Variants in UBR1 observed in about 807,000 individuals in gnomAD.
UBR1 encodes the protein ubiquitin protein ligase E3 component n-recognin 1.
Under a neutral mutation model 242.1 loss-of-function variants are expected in UBR1, and 102 were observed. That is an observed-to-expected ratio of 0.42 (90% CI 0.36 to 0.50). UBR1 has a LOEUF of 0.50. Among genes scored for constraint, UBR1 ranks in the 20% least tolerant of loss-of-function variants. UBR1 has a pLI of 0.01. For missense variants in UBR1, 1,772 were observed against 2,101.8 expected (o/e 0.84, Z 3.07); for synonymous variants, 675 against 684.8 (o/e 0.99, Z 0.22).
At chr15:43,040,919 C>T (rs1350397304) in intron 15 of UBR1, among the ~76,000 whole-genome samples, 5 of 151,976 alleles carry the variant, frequency 3.3e-5, no homozygotes, top group East Asian at 3.9e-4. Context: ...GTTAGAATGG[C>T]GATCATTAAA....
intron 1 of UBR1, among the ~76,000 whole-genome samples, chr15:43,097,425 T>G (rs1428378658): frequency 6.6e-6 from 1 of 152,184 alleles, no homozygotes; most frequent in Non-Finnish European, 1.5e-5. Context: ...CCAGCTGCAT[T>G]AGCCGCTAGC....
At position 42,963,960 on chromosome 15, in the gene UBR1, C is replaced by T. The variant is rs1268634399; in HGVS notation, c.4675G>A (p.Asp1559Asn). 1 of 1,612,958 alleles carries T rather than the reference C, an allele frequency of 6.2e-7. No homozygotes were observed. ...NLFLLFQEYW[D>N]TVRPLLQRWC... is the part of the protein sequence containing the mutation. ...CTCTGGAGCAAGGGCCTTACAGTAT[C>T]CCAATATTCCTGGAAGAGCAGGAAC... The change falls in exon 42 of 47, where the codon GAT becomes AAT. Residue 1559 changes from aspartate (D) to asparagine (N), a missense_variant. Asp to Asn is a conservative substitution (Grantham distance 23, BLOSUM62 1). Around this residue, in one of 3 missense-constraint regions of UBR1, gnomAD observed 965 missense variants for 1,079.7 expected, o/e 0.89. Coordinates refer to ENST00000290650, the MANE Select transcript of UBR1 (RefSeq NM_174916.3).
At chr15:42,989,814 G>A (rs2032527898) in intron 34 of UBR1, among the ~76,000 whole-genome samples, 2 of 151,988 alleles carry the variant, frequency 1.3e-5, no homozygotes, top group Admixed American at 1.3e-4. Context: ...GGTTAAAAAT[G>A]GTTACTCAGA....
chr15:42,984,298 T>C (rs936442595), intron 36 of UBR1, among the ~76,000 whole-genome samples: 1 of 152,236 alleles, frequency 6.6e-6, no homozygotes, highest in African/African-American at 2.4e-5. Flanking sequence ...TCTTCTAGTC[T>C]TCTGTGCCAG....
intron 24 of UBR1, among the ~76,000 whole-genome samples, 195 bp from the exon 25 acceptor site, chr15:43,025,178 G>A (rs1313877567): frequency 6.6e-6 from 1 of 152,086 alleles, no homozygotes; most frequent in Non-Finnish European, 1.5e-5. Flanking sequence ...CACCCAAAAT[G>A]AACTACATTT....
At chr15:42,964,896 C>T (rs1243960027) in intron 41 of UBR1, among the ~76,000 whole-genome samples, 1 of 152,222 alleles carries the variant, frequency 6.6e-6, no homozygotes, top group African/African-American at 2.4e-5. Flanking sequence ...GAGTTCCCCA[C>T]TCTGGCCCCA....
chr15:43,003,490 AGGTG>A (rs2032757867), intron 31 of UBR1: 2 of 345,796 alleles, frequency 5.8e-6, no homozygotes. Context: ...TCCTGACCTC[AGGTG>A]ATCCTCCTGC....
chr15:43,029,924 A>G lies in UBR1; in HGVS notation c.2379+20T>C, dbSNP rs1215361210. 6.2e-7 allele frequency: 1 copy of G among 1,613,818 alleles called. No homozygotes were observed. The highest frequency in any genetic ancestry group is 1.3e-5 in the African/African-American group (1 of 74,926). ...ACCCCATCTTGAGGTACATAGAGAT[A>G]AAACCAAAATCAGACTTACATTCTC... On this transcript the variant is annotated intron_variant, in intron 21 of 46. Transcript: ENST00000290650.
intron 37 of UBR1, among the ~76,000 whole-genome samples, chr15:42,980,662 G>A (rs1271723633): frequency 6.6e-6 from 1 of 152,050 alleles, no homozygotes; most frequent in Non-Finnish European, 1.5e-5. Context: ...AGGCTGGAGT[G>A]CAGTAGTACA....
At chr15:43,068,711 C>T (rs1432768396) in intron 5 of UBR1, among the ~76,000 whole-genome samples, 1 of 152,118 alleles carries the variant, frequency 6.6e-6, no homozygotes, top group Non-Finnish European at 1.5e-5. Context: ...ACCTCCGCCT[C>T]CCGTGTTTAA....
chr15:42,997,115 T>A (rs140317541), intron 33 of UBR1, among the ~76,000 whole-genome samples: 1 of 152,170 alleles, frequency 6.6e-6, no homozygotes, highest in African/African-American at 2.4e-5. Context: ...ACTTGCATTG[T>A]CGCGTGAGCT....
At chr15:43,026,169 T>G in intron 23 of UBR1, 1 of 192,418 alleles carries the variant, frequency 5.2e-6, no homozygotes, top group Non-Finnish European at 1.1e-5. Context: ...GAGGTGGAGG[T>G]TGCAGTGAGC....
intron 5 of UBR1, among the ~76,000 whole-genome samples, chr15:43,068,681 C>T (rs115116361): frequency 0.017 from 2,586 of 152,078 alleles, 47 homozygotes; most frequent in East Asian, 0.082. Context: ...AGTACGGTGG[C>T]GCAATCTTAG....
chr15:42,960,760 G>C (rs555041277), intron 42 of UBR1, 59 bp from the exon 43 acceptor site: 1 of 1,537,840 alleles, frequency 6.5e-7, no homozygotes, highest in Admixed American at 1.7e-5. Context: ...TGCATGATTT[G>C]TCAACAAGCC....
chr15:43,059,875 T>C, intron 7 of UBR1, 50 bp from the exon 8 acceptor site: 1 of 1,606,966 alleles, frequency 6.2e-7, no homozygotes, highest in Non-Finnish European at 8.5e-7. Flanking sequence ...AATTTGCTTT[T>C]AGTTAAGGGA....
Position 42,976,750 on chromosome 15 carries a change from G to A in UBR1, c.4336C>T (p.His1446Tyr). Reference sequence around the variant, plus strand: ...ACTGTAAGTAGTATCTGAAGCATGTGTGCCATGGTGATCAAATGGAAGAGA... The same window carrying A: ...ACTGTAAGTAGTATCTGAAGCATGTATGCCATGGTGATCAAATGGAAGAGA... ...LYLFHLITMAHMLQILLTVDT... is the reference protein window; with the variant it reads ...LYLFHLITMAYMLQILLTVDT... Residue 1446 changes from histidine (H) to tyrosine (Y), a missense_variant, in exon 39 of 47, where the codon CAC becomes TAC. Coordinates refer to ENST00000290650, the MANE Select transcript of UBR1 (RefSeq NM_174916.3). 6.2e-7 allele frequency: 1 copy of A among 1,614,106 alleles called. No individual in the cohort carries two copies. The highest frequency in any genetic ancestry group is 8.5e-7 in the Non-Finnish European group (1 of 1,180,010).
rs1037990 is a variant in UBR1 at position 43,007,489 on chromosome 15, T to C, written c.3210-205A>G. The stretch of plus-strand genomic sequence containing the variant: ...GCTTATTACAAAATACAAGTGTTGC[T>C]AAGTGCAAAAAACAGATGATAAAAT... On this transcript the variant is annotated intron_variant, in intron 29 of 46. Coordinates refer to ENST00000290650, the MANE Select transcript of UBR1 (RefSeq NM_174916.3). 0.8 allele frequency among the ~76,000 whole-genome samples: 121,686 copies of C among 151,852 alleles called. 49,798 individuals are homozygous for C. The highest frequency in any genetic ancestry group is 0.89 in the Non-Finnish European group (60,220 of 67,976).
At chr15:43,018,163 C>T (rs564134401) in intron 27 of UBR1, among the ~76,000 whole-genome samples, 59 of 151,812 alleles carry the variant, frequency 3.9e-4, no homozygotes, top group Admixed American at 2.2e-3. Flanking sequence ...CCATAACGCC[C>T]GGCTAATTTT....
chr15:42,948,297 C>T (rs1478082120), intron 46 of UBR1, among the ~76,000 whole-genome samples: 1 of 152,082 alleles, frequency 6.6e-6, no homozygotes, highest in Non-Finnish European at 1.5e-5. Flanking sequence ...GGATTAAAGA[C>T]TTAAACGTTA....
Sources: allele counts gnomAD v4.1 joint callset (sites outside exome capture counted in the v4.1 genomes callset), GRCh38; gene constraint gnomAD v4.1.1; regional missense constraint gnomAD v4.1.1; transcripts MANE v1.5; gene names NCBI Gene and HGNC (gene_info 2026-07-23, HGNC 2026-07-21).